Variants in DLC1 observed in about 807,000 individuals in gnomAD.
DLC1 encodes the protein rho GTPase-activating protein 7.
DLC1 carries 54 observed loss-of-function variants against 140.3 expected under a neutral mutation model. The observed-to-expected ratio is 0.38, with a 90% CI of 0.31 to 0.48. The LOEUF (loss-of-function observed/expected upper bound fraction) is 0.48. Among genes scored for constraint, DLC1 ranks in the 20% least tolerant of loss-of-function variants. The pLI, the probability that DLC1 is intolerant of heterozygous loss-of-function variation, is 0.96. For synonymous variants in DLC1, 986 were observed against 728.1 expected, an observed-to-expected ratio of 1.35 and a Z score of -5.70; for missense variants, 2,536 against 1,907.0, an observed-to-expected ratio of 1.33 and a Z score of -6.14.
intron 4 of DLC1, among the ~76,000 whole-genome samples, chr8:13,379,168 G>T (rs1214515870): frequency 6.6e-6 from 1 of 152,094 alleles, no homozygotes; most frequent in African/African-American, 2.4e-5. Context: ...AATAAAAATA[G>T]GTATCCTTGG....
chr8:13,463,286 G>A (rs1799760472), intron 2 of DLC1, among the ~76,000 whole-genome samples: 1 of 152,066 alleles, frequency 6.6e-6, no homozygotes, highest in Non-Finnish European at 1.5e-5. Flanking sequence ...AAGTGTTTCA[G>A]ATTCTATTAG....
intron 4 of DLC1, among the ~76,000 whole-genome samples, chr8:13,319,597 G>A (rs918974972): frequency 2.3e-5 from 3 of 130,662 alleles, no homozygotes; most frequent in Admixed American, 1.6e-4. Context: ...CGCCAGCCAT[G>A]TAGGATGCGC....
In DLC1 at chr8:13,460,368, A is replaced by G. The variant is rs532363824; in HGVS notation, c.1023+38681T>C. Among the ~76,000 whole-genome samples, 8 of 152,316 alleles carry G rather than the reference A, an allele frequency of 5.3e-5. No individual in the cohort carries two copies. The East Asian group carries it at 7.7e-4, about 15-fold the overall frequency. On this transcript the variant is annotated intron_variant, in intron 2 of 17. Transcript: ENST00000276297. ...TGAACATTGACTGTCTTACTAAAAGACTTCTGTACAGATTCACCGTAAGCT... is the reference window on the plus strand; with the variant it reads ...TGAACATTGACTGTCTTACTAAAAGGCTTCTGTACAGATTCACCGTAAGCT...
intron 1 of DLC1, among the ~76,000 whole-genome samples, chr8:13,589,842 AC>A (rs1663048159): frequency 6.6e-6 from 1 of 151,874 alleles, no homozygotes; most frequent in Non-Finnish European, 1.5e-5. Flanking sequence ...AAAAAGAAAT[AC>A]ATACTCATCT....
At chr8:13,311,777 T>C (rs932759715) in intron 4 of DLC1, among the ~76,000 whole-genome samples, 2 of 152,120 alleles carry the variant, frequency 1.3e-5, no homozygotes, top group East Asian at 1.9e-4. Context: ...TGCTCACAGG[T>C]ATGTCTGTAG....
At chr8:13,298,693 ATAT>A (rs1832060468) in intron 5 of DLC1, among the ~76,000 whole-genome samples, 1 of 152,260 alleles carries the variant, frequency 6.6e-6, no homozygotes, top group African/African-American at 2.4e-5. Flanking sequence ...TAAAGAAGTG[ATAT>A]TATTGTTGGA....
rs140340878 is a variant in DLC1 at position 13,100,148 on chromosome 8, C to T, written c.2189G>A (p.Arg730Gln). 4,089 of 1,614,142 alleles carry T rather than the reference C, an allele frequency of 2.5e-3. 10 individuals are homozygous for T. The highest frequency in any genetic ancestry group is 3.2e-3 in the Non-Finnish European group (3,759 of 1,180,032). Residue 730 changes from arginine to glutamine, a missense_variant, in exon 9 of 18, where the codon CGA (arginine) becomes CAA (glutamine). Arg to Gln is a conservative substitution (Grantham distance 43). Transcript: ENST00000276297. ...CGTGGAGTTGGAAACGCTCCTCTTTCGTACCATGGGGACGTTGATGCGGTT... is the reference window on the plus strand; with the variant it reads ...CGTGGAGTTGGAAACGCTCCTCTTTTGTACCATGGGGACGTTGATGCGGTT... ...NGNRINVPMV[R>Q]KRSVSNSTQT...
chr8:13,399,820 C>T (rs190905584), intron 3 of DLC1, among the ~76,000 whole-genome samples: 10 of 152,182 alleles, frequency 6.6e-5, no homozygotes, highest in East Asian at 1.9e-4. Context: ...CTTCTTCTGG[C>T]GTTTTCTCAT....
At chr8:13,453,480 G>GTATATATATACATATATATATGTA (rs1563360480) in intron 2 of DLC1, among the ~76,000 whole-genome samples, 7 of 18,620 alleles carry the variant, frequency 3.8e-4, no homozygotes, top group Admixed American at 8.2e-4. Flanking sequence ...ACATATATAT[G>GTATATATATACATATATATATGTA]TATATATATA....
intron 8 of DLC1, 91 bp from the exon 9 acceptor site, chr8:13,100,861 T>G (rs1354196466): frequency 8.1e-6 from 11 of 1,350,114 alleles, no homozygotes; most frequent in Non-Finnish European, 1.1e-5. Context: ...AATATGCCAG[T>G]AGTATCAATT....
chr8:13,592,799 T>C (rs1805560822), intron 1 of DLC1, among the ~76,000 whole-genome samples: 1 of 152,056 alleles, frequency 6.6e-6, no homozygotes, highest in Admixed American at 6.6e-5. Context: ...AGGATTTTGT[T>C]TTGTTTTGTT....
intron 5 of DLC1, among the ~76,000 whole-genome samples, chr8:13,241,948 A>G (rs1483508126): frequency 1.3e-5 from 2 of 152,030 alleles, no homozygotes; most frequent in Non-Finnish European, 2.9e-5. Flanking sequence ...CAGAGCTTGG[A>G]TGGAAGCTTT....
intron 5 of DLC1, among the ~76,000 whole-genome samples, chr8:13,285,253 A>T (rs1238764630): frequency 6.6e-6 from 1 of 152,148 alleles, no homozygotes; most frequent in African/African-American, 2.4e-5. Flanking sequence ...GATTTTTTTT[A>T]TAATGGTGCT....
intron 5 of DLC1, among the ~76,000 whole-genome samples, chr8:13,146,528 ATAATAT>A (rs1192334522): frequency 1.3e-5 from 2 of 151,850 alleles, no homozygotes; most frequent in African/African-American, 4.8e-5. Context: ...TCAAAGCCAA[ATAATAT>A]TAATATTATT....
chr8:13,411,687 G>A (rs2623545), intron 2 of DLC1, among the ~76,000 whole-genome samples: 1,671 of 152,146 alleles, frequency 0.011, 27 homozygotes, highest in African/African-American at 0.039. Context: ...ACCTAAAACT[G>A]CTTTTTAAAA....
At chr8:13,407,988 ATC>A (rs1157394719) in intron 2 of DLC1, among the ~76,000 whole-genome samples, 9 of 149,084 alleles carry the variant, frequency 6.0e-5, no homozygotes, top group South Asian at 2.1e-4. Context: ...ATGTTATTAA[ATC>A]TCTTTTTTTA....
In DLC1 at chr8:13,476,451, C is replaced by T. The variant is rs573600675; in HGVS notation, c.1023+22598G>A. ...GAGATGAGACATATTTTCATTTTCACATCCACATACAGTGCAGTGTTTTTT... is the reference window on the plus strand; with the variant it reads ...GAGATGAGACATATTTTCATTTTCATATCCACATACAGTGCAGTGTTTTTT... On this transcript the variant is annotated intron_variant, in intron 2 of 17. Transcript: ENST00000276297. Among the ~76,000 whole-genome samples the T allele has an allele frequency of 2.1e-5, 3 of 139,986 alleles. No individual in the cohort carries two copies. In the South Asian group the frequency reaches 7.0e-4, roughly 33 times the overall value. 91.8% of individuals were successfully genotyped at this position (139,986 alleles called of 152,430 possible).
intron 5 of DLC1, among the ~76,000 whole-genome samples, chr8:13,279,763 G>C (rs1831301439): frequency 6.6e-6 from 1 of 152,120 alleles, no homozygotes; most frequent in Non-Finnish European, 1.5e-5. Context: ...TTTCTTTGTA[G>C]GCCACTAGAA....
intron 1 of DLC1, among the ~76,000 whole-genome samples, chr8:13,506,581 G>A (rs866357363): frequency 1.1e-4 from 15 of 131,136 alleles, no homozygotes; most frequent in African/African-American, 4.8e-4. Context: ...GTGTGTGTGT[G>A]TATATATATA....
Sources: gnomAD v4.1 joint callset for allele counts (sites outside exome capture counted in the v4.1 genomes callset) on GRCh38, gnomAD v4.1.1 for gene constraint, MANE v1.5 for transcripts, NCBI Gene and HGNC (gene_info 2026-07-23, HGNC 2026-07-21) for gene names.